The following XXYLT1 variants were observed in gnomAD, a reference collection of about 807,000 sequenced individuals.
XXYLT1 encodes xyloside xylosyltransferase 1.
XXYLT1 carries 20 observed loss-of-function variants against 28.9 expected under a neutral mutation model. That is an observed-to-expected ratio of 0.69 (90% CI 0.49 to 1.00). The LOEUF (loss-of-function observed/expected upper bound fraction) is 1.00. Ranked by LOEUF, XXYLT1 falls within the 50% of genes least tolerant of loss-of-function variation. The probability of loss-of-function intolerance (pLI) is 0.00; values close to 1 mark genes in which losing one functional copy is unlikely to be tolerated. For missense variants in XXYLT1, 542 were observed against 560.1 expected, an observed-to-expected ratio of 0.97 and a Z score of 0.33; for synonymous variants, 257 against 253.8, an observed-to-expected ratio of 1.01 and a Z score of -0.12.
chr3:195,222,257 A>T (rs556494672), intron 2 of XXYLT1, among the ~76,000 whole-genome samples: 1 of 152,334 alleles, frequency 6.6e-6, no homozygotes, highest in East Asian at 1.9e-4. Context: ...CAAGGAGGAC[A>T]CAGATCGCTG....
At chr3:195,230,950 A>G (rs559822087) in intron 1 of XXYLT1, among the ~76,000 whole-genome samples, 7 of 152,088 alleles carry the variant, frequency 4.6e-5, no homozygotes, top group Non-Finnish European at 1.0e-4. Context: ...ATTGCATTGA[A>G]TCTGTAGATT....
In XXYLT1 at chr3:195,209,088, C is replaced by T. The variant is rs552755120; in HGVS notation, c.652+17621G>A. On this transcript the variant is annotated intron_variant, in intron 2 of 3. Coordinates refer to ENST00000310380, the MANE Select transcript of XXYLT1 (RefSeq NM_152531.5). This position sits in a 1 kb window ranked among gnomAD's most constrained non-coding sequence, Gnocchi z 5.0. ...GGAAGCCATCGCCCACCTCCCCTTA[C>T]GTGGCTCACTCGCCTCTCAGGGGGA... Among the ~76,000 whole-genome samples the T allele has an allele frequency of 2.6e-5, 4 of 152,242 alleles. No homozygotes were observed. The highest frequency in any genetic ancestry group is 4.4e-5 in the Non-Finnish European group (3 of 68,036).
intron 3 of XXYLT1, among the ~76,000 whole-genome samples, chr3:195,139,428 T>G (rs1316735001): frequency 1.3e-5 from 2 of 152,188 alleles, no homozygotes; most frequent in Admixed American, 1.3e-4. Context: ...GCCTGCTGCT[T>G]ACGGATCTCT....
intron 3 of XXYLT1, 44 bp downstream of exon 3, chr3:195,156,405 T>C: frequency 3.1e-6 from 5 of 1,598,924 alleles, no homozygotes; most frequent in Non-Finnish European, 3.4e-6. Flanking sequence ...GGGTGAAGGG[T>C]GGGGAGGGGT....
chr3:195,139,205 C>T (rs1156288531), intron 3 of XXYLT1, among the ~76,000 whole-genome samples: 5 of 152,210 alleles, frequency 3.3e-5, no homozygotes, highest in Non-Finnish European at 5.9e-5. Context: ...AGTGGGTAGG[C>T]GGTCCCTTGG....
Position 195,265,016 on chromosome 3 carries a change from C to T in XXYLT1, c.504+5539G>A, listed in dbSNP as rs1725799382. On this transcript the variant is annotated intron_variant, in intron 1 of 3. Coordinates refer to ENST00000310380, the MANE Select transcript of XXYLT1 (RefSeq NM_152531.5). ...AAGCTACAGTGAGCTGTGATCACACCACTGTGCTCTACTCTAGCCTGCGCG... is the reference window on the plus strand; with the variant it reads ...AAGCTACAGTGAGCTGTGATCACACTACTGTGCTCTACTCTAGCCTGCGCG... Among the ~76,000 whole-genome samples, 3 of 151,778 alleles carry T rather than the reference C, an allele frequency of 2.0e-5. No homozygotes were observed. In the South Asian group the frequency reaches 6.2e-4, roughly 32 times the overall value.
At chr3:195,072,714 G>C (rs761016370) in intron 3 of XXYLT1, among the ~76,000 whole-genome samples, 4 of 152,158 alleles carry the variant, frequency 2.6e-5, no homozygotes, top group Non-Finnish European at 4.4e-5. Context: ...AGCCTGAAAA[G>C]GAACAATGAC....
At position 195,232,325 on chromosome 3, in the gene XXYLT1, C is replaced by CA. The variant is rs200517980; in HGVS notation, c.505-5470dup. ...TGTCAATTTTATCTTTTCAAAATAC[C>CA]AAAAAAAAACTTTTCATTTCATTGA... On this transcript the variant is annotated intron_variant, in intron 1 of 3. Coordinates refer to ENST00000310380, the MANE Select transcript of XXYLT1 (RefSeq NM_152531.5). Among the ~76,000 whole-genome samples the CA allele has an allele frequency of 3.0e-4, 44 of 146,354 alleles. 1 individual carries two copies. The South Asian group carries it at 6.6e-3, about 22-fold the overall frequency.
chr3:195,236,164 G>A (rs751201654), intron 1 of XXYLT1, among the ~76,000 whole-genome samples: 21 of 152,164 alleles, frequency 1.4e-4, no homozygotes, highest in Non-Finnish European at 2.6e-4. Flanking sequence ...TGCCAGGCTT[G>A]TGTCCTTCCC....
intron 3 of XXYLT1, among the ~76,000 whole-genome samples, chr3:195,127,188 G>T (rs1344530013): frequency 6.6e-6 from 1 of 152,176 alleles, no homozygotes; most frequent in African/African-American, 2.4e-5. Flanking sequence ...AGTGTTCAGA[G>T]ATCAGTGCTT....
chr3:195,119,006 G>A (rs999432211), intron 3 of XXYLT1, among the ~76,000 whole-genome samples: 20 of 152,196 alleles, frequency 1.3e-4, no homozygotes, highest in East Asian at 3.9e-4. Context: ...GCCCAGGCGC[G>A]GTGGCTCATG....
At chr3:195,191,698 T>C (rs1415381608) in intron 2 of XXYLT1, among the ~76,000 whole-genome samples, 1 of 152,218 alleles carries the variant, frequency 6.6e-6, no homozygotes, top group Non-Finnish European at 1.5e-5. Context: ...ATGCATACAA[T>C]AACTATACAA....
rs1380543372 is a variant in XXYLT1 at position 195,270,726 on chromosome 3, A to G, written c.333T>C (p.Asn111=). The change falls in exon 1 of 4, where the codon AAT becomes AAC. Residue 111 remains asparagine (N), a synonymous_variant. Transcript: ENST00000310380. Reference sequence around the variant, plus strand: ...CGCGGGCCTTGGCCTGCAGCGCGGCATTGTGCTCCGCCTTGGTGAACATCA... The same window carrying G: ...CGCGGGCCTTGGCCTGCAGCGCGGCGTTGTGCTCCGCCTTGGTGAACATCA... ...LLMMFTKAEH[N]AALQAKARVA... is the part of the protein sequence containing the mutation. 1 of 1,590,764 alleles carries G rather than the reference A, an allele frequency of 6.3e-7. No individual in the cohort carries two copies. Among genetic ancestry groups the G allele is most frequent in the African/African-American group, 1.4e-5 (1 of 72,078 alleles).
At chr3:195,186,151 C>G (rs1442072977) in intron 2 of XXYLT1, among the ~76,000 whole-genome samples, 3 of 152,208 alleles carry the variant, frequency 2.0e-5, no homozygotes, top group Non-Finnish European at 2.9e-5. Context: ...CATGTCATTC[C>G]CCTCTTCAAA....
At position 195,210,962 on chromosome 3, in the gene XXYLT1, G is replaced by A. The variant is rs1339775043; in HGVS notation, c.652+15747C>T. On this transcript the variant is annotated intron_variant, in intron 2 of 3. Transcript: ENST00000310380. This position sits in a 1 kb window ranked among gnomAD's most constrained non-coding sequence, Gnocchi z 4.8. ...CAGGAATCAGAGTTCTCCAGGCTTG[G>A]GGAACCATCAAGAAATGGCTATCCC... Among the ~76,000 whole-genome samples the A allele has an allele frequency of 6.6e-6, 1 of 152,182 alleles. No individual in the cohort carries two copies. The highest frequency in any genetic ancestry group is 1.5e-5 in the Non-Finnish European group (1 of 68,032).
chr3:195,181,216 C>T (rs756156254), intron 2 of XXYLT1, among the ~76,000 whole-genome samples: 8 of 152,218 alleles, frequency 5.3e-5, no homozygotes, highest in African/African-American at 9.6e-5. Flanking sequence ...CTGACAATGA[C>T]GGCTCCATAA....
At chr3:195,265,265 G>A (rs1725811922) in intron 1 of XXYLT1, among the ~76,000 whole-genome samples, 1 of 151,870 alleles carries the variant, frequency 6.6e-6, no homozygotes, top group Admixed American at 6.6e-5. Flanking sequence ...AGCTACTTGG[G>A]AGGCTGAGGC....
intron 2 of XXYLT1, among the ~76,000 whole-genome samples, chr3:195,170,651 G>C (rs1721361365): frequency 6.6e-6 from 1 of 152,212 alleles, no homozygotes; most frequent in African/African-American, 2.4e-5. Context: ...GGAAAGAGCA[G>C]ATGCTCTGAG....
intron 2 of XXYLT1, among the ~76,000 whole-genome samples, chr3:195,206,763 C>T (rs886496459): frequency 6.7e-6 from 1 of 149,306 alleles, no homozygotes; most frequent in African/African-American, 2.5e-5. Flanking sequence ...AAGACTCCGT[C>T]TCAAAAAAAA....
Sources: gnomAD v4.1 joint callset for allele counts (sites outside exome capture counted in the v4.1 genomes callset) on GRCh38, gnomAD v4.1.1 for gene constraint, Gnocchi (gnomAD v3.1) non-coding constraint, MANE v1.5 for transcripts, NCBI Gene and HGNC (gene_info 2026-07-23, HGNC 2026-07-21) for gene names.